Variants in RARRES1 observed in about 807,000 individuals in gnomAD.
The protein encoded by RARRES1 is retinoic acid receptor responder protein 1.
In RARRES1, 34 loss-of-function variants were observed where a neutral mutation model predicts 30.6. The ratio of observed to expected loss-of-function variants is 1.11; its 90% CI spans 0.84 to 1.48. The LOEUF is 1.48. Ranked by LOEUF, RARRES1 falls within the 40% of genes most tolerant of loss-of-function variation. The probability of loss-of-function intolerance (pLI) is 0.00; values close to 1 mark genes in which losing one functional copy is unlikely to be tolerated. For missense variants in RARRES1, 373 were observed against 386.5 expected (o/e 0.97, Z 0.29); for synonymous variants, 153 against 155.5 (o/e 0.98, Z 0.12).
At chr3:158,722,104 AAAG>A (rs1559874330) in intron 1 of RARRES1, among the ~76,000 whole-genome samples, 1 of 151,828 alleles carries the variant, frequency 6.6e-6, no homozygotes, top group African/African-American at 2.4e-5. Context: ...AAAAAAAAAA[AAAG>A]AGTATCCAGA....
At chr3:158,698,677 C>T (rs1576805718) in intron 4 of RARRES1, among the ~76,000 whole-genome samples, 2 of 147,536 alleles carry the variant, frequency 1.4e-5, no homozygotes, top group Non-Finnish European at 1.5e-5. Flanking sequence ...CTGACATTTC[C>T]TTTTTTTTTT....
intron 1 of RARRES1, among the ~76,000 whole-genome samples, chr3:158,726,631 A>G (rs142345066): frequency 4.1e-4 from 63 of 152,368 alleles, no homozygotes; most frequent in Middle Eastern, 3.4e-3. Flanking sequence ...TGCTTTAGAA[A>G]TTTAGCTGTT....
Position 158,697,623 on chromosome 3 carries a change from AT to A in RARRES1, c.*54del. On this transcript the variant is annotated 3_prime_UTR_variant, in exon 6 of 6. Transcript: ENST00000237696. ...CCTTAGCTGTTTTACTAGAAGAATGATTTATGCTAGTATAGTCACTTGTTTA... is the reference window on the plus strand; with the variant it reads ...CCTTAGCTGTTTTACTAGAAGAATGATTATGCTAGTATAGTCACTTGTTTA... 6.7e-7 allele frequency: 1 copy of A among 1,495,694 alleles called. No individual in the cohort carries two copies. Among genetic ancestry groups the A allele is most frequent in the Non-Finnish European group, 9.2e-7 (1 of 1,090,294 alleles). 92.7% of individuals were successfully genotyped at this position (1,495,694 alleles called of 1,614,324 possible).
intron 1 of RARRES1, among the ~76,000 whole-genome samples, chr3:158,721,086 G>A (rs1576820686): frequency 6.6e-6 from 1 of 152,158 alleles, no homozygotes; most frequent in Admixed American, 6.5e-5. Context: ...CAGTGCAGGT[G>A]GGGACATCTC....
intron 1 of RARRES1, among the ~76,000 whole-genome samples, chr3:158,717,612 C>G (rs1415426891): frequency 6.6e-6 from 1 of 152,204 alleles, no homozygotes; most frequent in East Asian, 1.9e-4. Context: ...GGATTTTGTC[C>G]TGAGAGAAAT....
chr3:158,707,781 A>C (rs1399442947), intron 3 of RARRES1, among the ~76,000 whole-genome samples: 1 of 152,224 alleles, frequency 6.6e-6, no homozygotes, highest in Non-Finnish European at 1.5e-5. Flanking sequence ...ACCTGTTGAG[A>C]ATAAAGCAAA....
intron 2 of RARRES1, among the ~76,000 whole-genome samples, chr3:158,712,860 G>C (rs1307092505): frequency 6.6e-6 from 1 of 152,226 alleles, no homozygotes; most frequent in African/African-American, 2.4e-5. Flanking sequence ...TATTGTTGGT[G>C]AAAATAATCT....
intron 1 of RARRES1, among the ~76,000 whole-genome samples, chr3:158,726,472 T>C (rs1402062251): frequency 6.6e-6 from 1 of 152,238 alleles, no homozygotes; most frequent in Non-Finnish European, 1.5e-5. Context: ...TATATGGGCC[T>C]GGCCTGATGC....
At chr3:158,704,205 C>A (rs1038287764) in intron 4 of RARRES1, among the ~76,000 whole-genome samples, 1 of 139,062 alleles carries the variant, frequency 7.2e-6, no homozygotes, top group African/African-American at 2.7e-5. Context: ...TAGAATATTG[C>A]AATACTTTTT....
At chr3:158,705,001 A>G (rs1055558312) in intron 3 of RARRES1, 74 bp from the exon 4 acceptor site, 1 of 1,552,930 alleles carries the variant, frequency 6.4e-7, no homozygotes, top group Non-Finnish European at 8.7e-7. Flanking sequence ...CAGAAATGAA[A>G]TAGGGTTTAA....
At chr3:158,710,365 G>A (rs1727077648) in intron 3 of RARRES1, among the ~76,000 whole-genome samples, 1 of 151,922 alleles carries the variant, frequency 6.6e-6, no homozygotes, top group Non-Finnish European at 1.5e-5. Context: ...CCACCACCAC[G>A]CCTGGCTAAT....
At chr3:158,703,889 C>T (rs1726818136) in intron 4 of RARRES1, among the ~76,000 whole-genome samples, 1 of 152,158 alleles carries the variant, frequency 6.6e-6, no homozygotes. Flanking sequence ...GAGACCTCTC[C>T]CCTGAACTTC....
At chr3:158,721,959 C>T (rs1210344973) in intron 1 of RARRES1, among the ~76,000 whole-genome samples, 7 of 152,004 alleles carry the variant, frequency 4.6e-5, no homozygotes, top group South Asian at 4.2e-4. Context: ...GGCGTGGTGG[C>T]GCACACCTGT....
At chr3:158,708,461 T>G (rs926082738) in intron 3 of RARRES1, among the ~76,000 whole-genome samples, 1 of 152,220 alleles carries the variant, frequency 6.6e-6, no homozygotes, top group African/African-American at 2.4e-5. Context: ...AATCTTTCCC[T>G]CTGTATGTAG....
intron 4 of RARRES1, among the ~76,000 whole-genome samples, chr3:158,703,668 G>T (rs1049604206): frequency 1.3e-4 from 20 of 152,108 alleles, no homozygotes. Flanking sequence ...GCAGTTCTCA[G>T]TCCTCATCTT....
chr3:158,727,535 A>G (rs947042323), intron 1 of RARRES1, among the ~76,000 whole-genome samples: 3 of 152,244 alleles, frequency 2.0e-5, no homozygotes, highest in Admixed American at 6.5e-5. Flanking sequence ...ACGCAGAGCC[A>G]GTGGTCCCAG....
intron 1 of RARRES1, among the ~76,000 whole-genome samples, chr3:158,718,979 T>TC (rs764449833): frequency 1.3e-5 from 2 of 152,164 alleles, no homozygotes; most frequent in African/African-American, 2.4e-5. Context: ...TTCATTCCTT[T>TC]CCCCAACACA....
intron 4 of RARRES1, among the ~76,000 whole-genome samples, chr3:158,702,942 C>T (rs1013244002): frequency 5.9e-5 from 9 of 152,174 alleles, no homozygotes; most frequent in African/African-American, 2.2e-4. Context: ...GCAAACCAAA[C>T]TATGTATTAT....
intron 4 of RARRES1, among the ~76,000 whole-genome samples, chr3:158,702,858 C>G (rs543643899): frequency 6.6e-6 from 1 of 152,284 alleles, no homozygotes; most frequent in African/African-American, 2.4e-5. Flanking sequence ...TGGGGAAAGA[C>G]ATGTTCATTT....
Sources: gnomAD v4.1 joint callset for allele counts (sites outside exome capture counted in the v4.1 genomes callset) on GRCh38, gnomAD v4.1.1 for gene constraint, MANE v1.5 for transcripts, NCBI Gene and HGNC (gene_info 2026-07-23, HGNC 2026-07-21) for gene names.